BPTF: variants seen among roughly 807,000 people sequenced by gnomAD.
BPTF encodes the protein bromodomain PHD finger transcription factor, also known as nucleosome-remodeling factor subunit BPTF.
In BPTF, 18 loss-of-function variants were observed where a neutral mutation model predicts 292.5. The ratio of observed to expected loss-of-function variants is 0.06; its 90% CI spans 0.04 to 0.09. The LOEUF is 0.09. Among genes scored for constraint, BPTF ranks in the 10% least tolerant of loss-of-function variants. The pLI is 1.00. For missense variants in BPTF, 2,726 were observed against 3,498.7 expected, an observed-to-expected ratio of 0.78 and a Z score of 5.57; for synonymous variants, 1,225 against 1,251.9, an observed-to-expected ratio of 0.98 and a Z score of 0.45.
At chr17:67,953,744 T>A (rs1555679549) in intron 23 of BPTF, among the ~76,000 whole-genome samples, 1 of 150,636 alleles carries the variant, frequency 6.6e-6, no homozygotes, top group African/African-American at 2.4e-5. Flanking sequence ...CCCAGCTAAT[T>A]TTTTTGTGTA....
At chr17:67,869,347 C>G (rs2059573326) in intron 3 of BPTF, among the ~76,000 whole-genome samples, 2 of 152,152 alleles carry the variant, frequency 1.3e-5, no homozygotes, top group South Asian at 4.1e-4. Flanking sequence ...AATTAAAGAA[C>G]AAAGTCAAAA....
chr17:67,843,359 G>C (rs2057734914), intron 1 of BPTF, among the ~76,000 whole-genome samples: 1 of 150,422 alleles, frequency 6.6e-6, no homozygotes, highest in Non-Finnish European at 1.5e-5. Context: ...GTGCAGTGGT[G>C]TGATGTCGGC....
At chr17:67,920,683 A>G (rs1044986205) in intron 13 of BPTF, among the ~76,000 whole-genome samples, 1 of 152,224 alleles carries the variant, frequency 6.6e-6, no homozygotes, top group African/African-American at 2.4e-5. Flanking sequence ...AGTAAAGCTT[A>G]TAGTATTATA....
chr17:67,974,208 ACGT>A (rs1475452207), intron 26 of BPTF: 1 of 152,176 alleles, frequency 6.6e-6, no homozygotes, highest in East Asian at 1.9e-4. Flanking sequence ...TATTTCAAAC[ACGT>A]CGTTCTCCTA....
intron 3 of BPTF, among the ~76,000 whole-genome samples, chr17:67,868,159 T>G: frequency 6.6e-6 from 1 of 152,172 alleles, no homozygotes; most frequent in East Asian, 1.9e-4. Context: ...AACTCTTTAT[T>G]TTTTTAAGTT....
chr17:67,963,921 T>G (rs1555685364), intron 24 of BPTF, among the ~76,000 whole-genome samples: 1 of 152,204 alleles, frequency 6.6e-6, no homozygotes, highest in Admixed American at 6.5e-5. Flanking sequence ...CAGTACTAGT[T>G]GAAAGATTTT....
chr17:67,963,286 G>A, intron 24 of BPTF: 1 of 1,475,978 alleles, frequency 6.8e-7, no homozygotes, highest in Non-Finnish European at 9.0e-7. Flanking sequence ...GTACCATGCA[G>A]CTCAAAATGA....
intron 13 of BPTF, among the ~76,000 whole-genome samples, chr17:67,921,311 G>A (rs2063422471): frequency 6.6e-6 from 1 of 151,022 alleles, no homozygotes; most frequent in Admixed American, 6.6e-5. Flanking sequence ...GATCACTTGA[G>A]ATCAGGAGTT....
chr17:67,924,392 G>A (rs62085991), intron 14 of BPTF, among the ~76,000 whole-genome samples, 155 bp from the exon 15 acceptor site: 28,222 of 152,194 alleles, frequency 0.19, 3,628 homozygotes, highest in East Asian at 0.66. Flanking sequence ...TGGGATTACA[G>A]GCATGAGCCA....
rs375975293 is a variant in BPTF at position 67,893,404 on chromosome 17, G to A, written c.2090G>A (p.Arg697Gln). ...GTTAACTCTCAAGGAGAAATTTCAC[G>A]GTTGAGCACCAAAAAGGAAGTGATC... ...LVVNSQGEIS[R>Q]LSTKKEVIMK... Residue 697 changes from arginine to glutamine, a missense_variant, in exon 6 of 28, where the codon CGG (arginine) becomes CAG (glutamine). Physicochemically the swap from Arg to Gln is conservative, Grantham distance 43. Coordinates refer to ENST00000306378, the MANE Select transcript of BPTF (RefSeq NM_182641.4). 8.1e-6 allele frequency: 13 copies of A among 1,613,954 alleles called. No homozygotes were observed. Among genetic ancestry groups the A allele is most frequent in the East Asian group, 2.2e-5 (1 of 44,874 alleles).
rs2061115072 is a variant in BPTF at position 67,891,580 on chromosome 17, AAC to A, written c.1865-262_1865-261del. The A allele has an allele frequency of 2.5e-5, 7 of 283,768 alleles. No homozygotes were observed. The Admixed American group carries it at 3.6e-4, about 15-fold the overall frequency. The allele number at this position is 283,768 out of a possible 1,614,324, so 17.6% of individuals were successfully genotyped here. A position where few individuals can be genotyped will look rare whatever the true frequency, so the allele number is the denominator to read the frequency against. Reference sequence around the variant, plus strand: ...TTTGTAGCAGCTCTTCCTGTTTTCAAACAGATGAGTTTTTAAACAGATAACCC... The same window carrying A: ...TTTGTAGCAGCTCTTCCTGTTTTCAAAGATGAGTTTTTAAACAGATAACCC... On this transcript the variant is annotated intron_variant, in intron 4 of 27. Transcript: ENST00000306378.
Position 67,911,478 on chromosome 17 carries a change from T to C in BPTF, c.3594T>C (p.Ser1198=). The change falls in exon 11 of 28, where the codon AGT becomes AGC. Residue 1198 remains serine, a synonymous_variant. Transcript: ENST00000306378. ...AAGAAAAAGTCTCTGACCTTGCCAGTAGAGGCCAGGAACCCAGTAAGAGTA... is the reference window on the plus strand; with the variant it reads ...AAGAAAAAGTCTCTGACCTTGCCAGCAGAGGCCAGGAACCCAGTAAGAGTA... The part of the protein sequence containing the change: ...DIEEKVSDLA[S]RGQEPSKSKT... 6.2e-7 allele frequency: 1 copy of C among 1,614,020 alleles called. No homozygotes were observed. The highest frequency in any genetic ancestry group is 1.3e-5 in the African/African-American group (1 of 75,004).
In BPTF at chr17:67,959,665, CACCTTCA is replaced by C; in HGVS notation, c.8052_8058del (p.Pro2685LeufsTer42). 6.2e-7 allele frequency: 1 copy of C among 1,612,878 alleles called. No individual in the cohort carries two copies. Among genetic ancestry groups the C allele is most frequent in the Non-Finnish European group, 8.5e-7 (1 of 1,179,392 alleles). ...GCTCCTCCAGCCCCTCCAGCCCCTC[CACCTTCA>C]CCTCCCCCTCCACCTGCTGTGCAAC... On this transcript the variant is annotated frameshift_variant, in exon 24 of 28. Transcript: ENST00000306378. LOFTEE classifies it high-confidence loss of function.
chr17:67,964,739 G>T (rs182911727), intron 25 of BPTF, among the ~76,000 whole-genome samples: 4 of 152,076 alleles, frequency 2.6e-5, no homozygotes, highest in Non-Finnish European at 5.9e-5. Flanking sequence ...GGTGGCTCAT[G>T]CCTGTAATCC....
At chr17:67,887,629 A>G (rs1028545866) in intron 4 of BPTF, among the ~76,000 whole-genome samples, 5 of 152,166 alleles carry the variant, frequency 3.3e-5, no homozygotes, top group Non-Finnish European at 7.3e-5. Context: ...GACTTTTTCA[A>G]TTGCAAGTGA....
At chr17:67,883,456 TA>T (rs140912776) in intron 4 of BPTF, among the ~76,000 whole-genome samples, 30,865 of 152,058 alleles carry the variant, frequency 0.2, 3,902 homozygotes, top group East Asian at 0.66. Context: ...TACATTATTA[TA>T]AATTGAAAAC....
At chr17:67,965,913 G>A (rs570930529) in intron 25 of BPTF, 1 of 151,838 alleles carries the variant, frequency 6.6e-6, no homozygotes, top group Non-Finnish European at 1.5e-5. Context: ...AAAAAAAAAT[G>A]AGCTGCACAT....
rs192607493 is a variant in BPTF, at chr17:67,907,734, C to G, written c.2813-1848C>G. ...GTGTTTTAAAATAAATCCCAGAAATCATGTTTCACCAGAAGTTCAATATGT... is the reference window on the plus strand; with the variant it reads ...GTGTTTTAAAATAAATCCCAGAAATGATGTTTCACCAGAAGTTCAATATGT... On this transcript the variant is annotated intron_variant, in intron 9 of 27. Coordinates refer to ENST00000306378, the MANE Select transcript of BPTF (RefSeq NM_182641.4). Among the ~76,000 whole-genome samples, 177 of 152,234 alleles carry G rather than the reference C, an allele frequency of 1.2e-3. 4 individuals carry two copies. Among genetic ancestry groups the G allele is most frequent in the East Asian group, 2.1e-3 (11 of 5,176 alleles).
chr17:67,853,829 A>G (rs1042445958), intron 1 of BPTF, 111 bp from the exon 2 acceptor site: 8 of 791,358 alleles, frequency 1.0e-5, no homozygotes, highest in African/African-American at 6.9e-5. Flanking sequence ...TAACTTGACA[A>G]TTATTAAAGA....
Sources: allele counts gnomAD v4.1 joint callset (sites outside exome capture counted in the v4.1 genomes callset), GRCh38; gene constraint gnomAD v4.1.1; transcripts MANE v1.5; gene names NCBI Gene and HGNC (gene_info 2026-07-23, HGNC 2026-07-21).